DPY19L1: variants seen among roughly 807,000 people sequenced by gnomAD.
DPY19L1 encodes the protein dpy-19 like C-mannosyltransferase 1.
DPY19L1 carries 35 observed loss-of-function variants against 96.9 expected under a neutral mutation model. That is an observed-to-expected ratio of 0.36 (90% confidence interval 0.28 to 0.48). The LOEUF is 0.48. Ranked by LOEUF, DPY19L1 falls within the 20% of genes least tolerant of loss-of-function variation. DPY19L1 has a pLI of 0.99. For synonymous variants in DPY19L1, 205 were observed against 252.6 expected (o/e 0.81, Z 1.79); for missense variants, 521 against 777.9 (o/e 0.67, Z 3.93).
chr7:35,028,613 A>C (rs1265820210), intron 1 of DPY19L1, among the ~76,000 whole-genome samples: 2 of 152,218 alleles, frequency 1.3e-5, no homozygotes, highest in African/African-American at 4.8e-5. Flanking sequence ...CAGAGTTCTT[A>C]GATCTTGCAA....
intron 1 of DPY19L1, among the ~76,000 whole-genome samples, chr7:35,022,133 C>T (rs1430691374): frequency 1.3e-5 from 2 of 152,100 alleles, no homozygotes; most frequent in African/African-American, 4.8e-5. Context: ...TAAGTTTATT[C>T]CAGTGTTTAT....
At chr7:35,022,636 A>G (rs1362967815) in intron 1 of DPY19L1, among the ~76,000 whole-genome samples, 1 of 152,268 alleles carries the variant, frequency 6.6e-6, no homozygotes, top group African/African-American at 2.4e-5. Flanking sequence ...ACTTTACTAC[A>G]GTACTTATTA....
intron 3 of DPY19L1, among the ~76,000 whole-genome samples, 187 bp from the exon 4 acceptor site, chr7:35,013,892 G>T (rs1288772919): frequency 6.6e-6 from 1 of 152,036 alleles, no homozygotes; most frequent in Non-Finnish European, 1.5e-5. Context: ...TCACATAAAT[G>T]CATCTTAATT....
At chr7:34,996,563 C>T (rs1334993425) in intron 6 of DPY19L1, among the ~76,000 whole-genome samples, 5 of 152,210 alleles carry the variant, frequency 3.3e-5, no homozygotes, top group South Asian at 4.2e-4. Context: ...ATCATACCAG[C>T]TCAGGCTCCC....
chr7:35,010,499 C>G lies in DPY19L1; in HGVS notation c.733G>C (p.Ala245Pro). ...VIFILNGLMM[A>P]LFFIYGTYLS... is the part of the protein sequence containing the mutation. ...TATGTGCCATATATGAAGAATAATGCCATCATTAGTCCATTTAAAATAAAA... is the reference window on the plus strand; with the variant it reads ...TATGTGCCATATATGAAGAATAATGGCATCATTAGTCCATTTAAAATAAAA... Residue 245 changes from alanine to proline, a missense_variant, in exon 6 of 22, where the codon GCA (alanine) becomes CCA (proline). Coordinates refer to ENST00000638088, the MANE Select transcript of DPY19L1 (RefSeq NM_001366673.1). 2.5e-6 allele frequency: 4 copies of G among 1,605,256 alleles called. No homozygotes were observed. The highest frequency in any genetic ancestry group is 3.4e-6 in the Non-Finnish European group (4 of 1,173,924).
rs1418946613 is a variant in DPY19L1, at chr7:34,992,543, C to CG, written c.765-2603_765-2602insC. Reference sequence around the variant, plus strand: ...AATGTCAGGCACAAAACCTTCCTGCCTTTTTTTTTTTTTTTTTTCCAGAGA... The same window carrying CG: ...AATGTCAGGCACAAAACCTTCCTGCCGTTTTTTTTTTTTTTTTTTCCAGAGA... On this transcript the variant is annotated intron_variant, in intron 6 of 21. Coordinates refer to ENST00000638088, the MANE Select transcript of DPY19L1 (RefSeq NM_001366673.1). 2.6e-3 allele frequency among the ~76,000 whole-genome samples: 350 copies of CG among 133,828 alleles called. 1 individual carries two copies. Among genetic ancestry groups the CG allele is most frequent in the African/African-American group, 9.3e-3 (335 of 36,176 alleles). The allele number at this position is 133,828 out of a possible 152,430, so 87.8% of individuals were successfully genotyped here.
intron 1 of DPY19L1, among the ~76,000 whole-genome samples, chr7:35,035,441 G>A (rs570459413): frequency 6.6e-6 from 1 of 152,272 alleles, no homozygotes; most frequent in South Asian, 2.1e-4. Context: ...AAAATATGCA[G>A]AAAATAGCAA....
intron 4 of DPY19L1, among the ~76,000 whole-genome samples, chr7:35,012,911 ATATG>A (rs1785748621): frequency 9.2e-5 from 14 of 151,590 alleles, no homozygotes; most frequent in Admixed American, 7.3e-4. Context: ...CATTATGTAT[ATATG>A]TATGTGTGTT....
chr7:34,992,632 G>A (rs577094417), intron 6 of DPY19L1, among the ~76,000 whole-genome samples: 2 of 147,994 alleles, frequency 1.4e-5, no homozygotes, highest in South Asian at 2.1e-4. Context: ...CTGCAGCCTC[G>A]AACTCATGGG....
intron 11 of DPY19L1, 37 bp downstream of exon 11, chr7:34,957,947 T>C: frequency 1.4e-6 from 2 of 1,390,576 alleles, no homozygotes; most frequent in Non-Finnish European, 2.0e-6. Context: ...AACCATTAGT[T>C]TCAAAAACAG....
chr7:34,989,753 TGAATGCTA>T (rs995036051), intron 7 of DPY19L1, 123 bp downstream of exon 7: 3 of 725,416 alleles, frequency 4.1e-6, no homozygotes, highest in Middle Eastern at 4.1e-4. Context: ...TTAACTCAAA[TGAATGCTA>T]GTGTTTAAAT....
chr7:34,955,437 T>G, intron 11 of DPY19L1, 70 bp from the exon 12 acceptor site: 1 of 1,564,488 alleles, frequency 6.4e-7, no homozygotes, highest in Non-Finnish European at 8.7e-7. Context: ...ACCAAAAAAT[T>G]CTTCTAAATA....
chr7:35,018,649 T>C, intron 1 of DPY19L1, 53 bp from the exon 2 acceptor site: 2 of 1,480,534 alleles, frequency 1.4e-6, no homozygotes, highest in South Asian at 2.4e-5. Flanking sequence ...ATGTTCATCT[T>C]ACAGAAAAGC....
At chr7:35,014,406 AAAC>A (rs1785790479) in intron 3 of DPY19L1, among the ~76,000 whole-genome samples, 1 of 151,994 alleles carries the variant, frequency 6.6e-6, no homozygotes, top group East Asian at 1.9e-4. Context: ...GACAAAAAAA[AAAC>A]AAGAAAATAC....
At chr7:34,962,734 A>T (rs1047606859) in intron 10 of DPY19L1, among the ~76,000 whole-genome samples, 7 of 151,988 alleles carry the variant, frequency 4.6e-5, no homozygotes, top group Non-Finnish European at 7.4e-5. Context: ...ACCCGTAGAA[A>T]AGTGAGGCCT....
intron 6 of DPY19L1, 129 bp from the exon 7 acceptor site, chr7:34,990,070 G>T: frequency 2.0e-6 from 1 of 506,956 alleles, no homozygotes; most frequent in Non-Finnish European, 3.3e-6. Flanking sequence ...ACTCTCCTAT[G>T]CTTATTTACA....
intron 20 of DPY19L1, among the ~76,000 whole-genome samples, chr7:34,938,366 T>C (rs1481198780): frequency 1.3e-5 from 2 of 152,216 alleles, no homozygotes; most frequent in African/African-American, 4.8e-5. Flanking sequence ...TCTCTTTGTG[T>C]TTGTTCACTT....
Position 34,941,985 on chromosome 7 carries a change from A to T in DPY19L1, c.1570-101T>A, listed in dbSNP as rs1784028590. 3.3e-6 allele frequency: 4 copies of T among 1,197,642 alleles called. No homozygotes were observed. The East Asian group carries it at 1.0e-4, about 31-fold the overall frequency. 74.2% of individuals were successfully genotyped at this position (1,197,642 alleles called of 1,614,324 possible). A position where few individuals can be genotyped will look rare whatever the true frequency, so the allele number is the denominator to read the frequency against. On this transcript the variant is annotated intron_variant, in intron 17 of 21. Transcript: ENST00000638088. ...AAGGGGTACGTTCTCCTTAGTAACAAAAAATACTACTAAGGTTTCTGAAAC... is the reference window on the plus strand; with the variant it reads ...AAGGGGTACGTTCTCCTTAGTAACATAAAATACTACTAAGGTTTCTGAAAC...
intron 7 of DPY19L1, among the ~76,000 whole-genome samples, chr7:34,986,203 T>C (rs146778497): frequency 1.1e-4 from 16 of 152,056 alleles, no homozygotes; most frequent in African/African-American, 2.9e-4. Context: ...AAAGTTTCAG[T>C]TGGGCAGGAG....
Sources: allele counts gnomAD v4.1 joint callset (sites outside exome capture counted in the v4.1 genomes callset), GRCh38; gene constraint gnomAD v4.1.1; transcripts MANE v1.5; gene names NCBI Gene and HGNC (gene_info 2026-07-23, HGNC 2026-07-21).